The following MAGI2 variants were observed in gnomAD, a reference collection of about 807,000 sequenced individuals.
MAGI2 encodes membrane associated guanylate kinase, WW and PDZ domain containing 2, also known as membrane-associated guanylate kinase, WW and PDZ domain-containing protein 2.
A neutral mutation model predicts 133.3 loss-of-function variants in MAGI2; 35 were observed. The observed-to-expected ratio is 0.26, with a 90% confidence interval of 0.20 to 0.35. MAGI2 has a LOEUF of 0.35. MAGI2 is among the 10% of genes least tolerant of loss of function. The probability of loss-of-function intolerance (pLI) is 1.00; values close to 1 mark genes in which losing one functional copy is unlikely to be tolerated. For missense variants in MAGI2, 1,636 were observed against 1,863.4 expected, an observed-to-expected ratio of 0.88 and a Z score of 2.25; for synonymous variants, 729 against 710.6, an observed-to-expected ratio of 1.03 and a Z score of -0.41.
chr7:79,176,887 T>C (rs528675009), intron 1 of MAGI2: 2 of 149,836 alleles, frequency 1.3e-5, no homozygotes, highest in Non-Finnish European at 3.0e-5. Flanking sequence ...ATAGTTGATC[T>C]GATCCATGTG....
intron 1 of MAGI2, among the ~76,000 whole-genome samples, chr7:79,020,041 A>T (rs1230953454): frequency 1.3e-5 from 2 of 152,232 alleles, no homozygotes; most frequent in African/African-American, 2.4e-5. Context: ...CTTCCTAAAG[A>T]CTTGTTGAAT....
At chr7:79,452,907 AC>A in intron 1 of MAGI2, 112 bp downstream of exon 1, 2 of 1,190,106 alleles carry the variant, frequency 1.7e-6, no homozygotes, top group Non-Finnish European at 2.3e-6. Context: ...TCTGGCCCCC[AC>A]CCCATCATCG....
At chr7:78,256,647 A>G (rs568851668) in intron 9 of MAGI2, 66 bp from the exon 10 acceptor site, 1 of 1,333,728 alleles carries the variant, frequency 7.5e-7, no homozygotes, top group South Asian at 1.3e-5. Context: ...GAGAAATGGA[A>G]TTATTTACGA....
intron 1 of MAGI2, among the ~76,000 whole-genome samples, chr7:79,442,351 T>C (rs188898726): frequency 7.2e-5 from 11 of 152,306 alleles, no homozygotes; most frequent in Non-Finnish European, 1.6e-4. Context: ...AATAGTTTAA[T>C]GTAACTGTTT....
At chr7:79,421,326 A>C in intron 1 of MAGI2, among the ~76,000 whole-genome samples, 1 of 151,910 alleles carries the variant, frequency 6.6e-6, no homozygotes, top group Non-Finnish European at 1.5e-5. Flanking sequence ...ATGAGCTTTT[A>C]GTGTTACTGC....
At chr7:78,780,026 C>G (rs1826272348) in intron 2 of MAGI2, among the ~76,000 whole-genome samples, 1 of 152,308 alleles carries the variant, frequency 6.6e-6, no homozygotes, top group African/African-American at 2.4e-5. Context: ...ATTAAGAAAT[C>G]AAACCCTTAA....
chr7:78,349,382 A>G (rs575634569), intron 7 of MAGI2, among the ~76,000 whole-genome samples: 89 of 152,296 alleles, frequency 5.8e-4, no homozygotes, highest in Admixed American at 6.5e-4. Context: ...TATCTGTTCT[A>G]TATCCGTTTT....
intron 20 of MAGI2, among the ~76,000 whole-genome samples, chr7:78,118,572 T>C (rs1820106603): frequency 6.6e-6 from 1 of 152,130 alleles, no homozygotes; most frequent in South Asian, 2.1e-4. Flanking sequence ...AAAGAAGATA[T>C]ACATATGGCA....
chr7:79,015,351 T>C lies in MAGI2; in HGVS notation c.302-8145A>G, dbSNP rs201444944. ...CAGGTCAGTCCTCTAATATTTTTTT[T>C]CAACCTGCTGACACTTAAAAACTCT... On this transcript the variant is annotated intron_variant, in intron 1 of 21. Coordinates refer to ENST00000354212, the MANE Select transcript of MAGI2 (RefSeq NM_012301.4). 1.2e-4 allele frequency among the ~76,000 whole-genome samples: 10 copies of C among 80,220 alleles called. No homozygotes were observed. In the South Asian group the frequency reaches 1.9e-3, roughly 15 times the overall value. The allele number at this position is 80,220 out of a possible 152,430, so 52.6% of individuals were successfully genotyped here.
chr7:78,853,611 C>A (rs1793368289), intron 2 of MAGI2, among the ~76,000 whole-genome samples: 1 of 151,978 alleles, frequency 6.6e-6, no homozygotes, highest in Non-Finnish European at 1.5e-5. Context: ...CTGCCTCGAC[C>A]TCCCAAAGTG....
intron 1 of MAGI2, among the ~76,000 whole-genome samples, chr7:79,367,064 T>C (rs1842745830): frequency 6.6e-6 from 1 of 152,154 alleles, no homozygotes; most frequent in African/African-American, 2.4e-5. Flanking sequence ...AGGCTGAGGG[T>C]GAACCCTTGC....
At chr7:79,218,164 G>A (rs1321022899) in intron 1 of MAGI2, among the ~76,000 whole-genome samples, 1 of 151,910 alleles carries the variant, frequency 6.6e-6, no homozygotes, top group East Asian at 1.9e-4. Context: ...CTGTAAATAT[G>A]TACCTTGAGC....
chr7:78,180,432 G>A (rs930787558), intron 13 of MAGI2, among the ~76,000 whole-genome samples: 1 of 152,190 alleles, frequency 6.6e-6, no homozygotes, highest in African/African-American at 2.4e-5. Context: ...GGCACAAGAA[G>A]TTTGTCTTTT....
Position 78,739,724 on chromosome 7 carries a change from T to A in MAGI2, c.419-112485A>T, listed in dbSNP as rs563300310. On this transcript the variant is annotated intron_variant, in intron 2 of 21. Coordinates refer to ENST00000354212, the MANE Select transcript of MAGI2 (RefSeq NM_012301.4). ...TCGTGAAAGCAATTTCTTAGTTCTC[T>A]ACGTAGGCGCACACCTCCTCGGCAA... Among the ~76,000 whole-genome samples, 5 of 152,324 alleles carry A rather than the reference T, an allele frequency of 3.3e-5. No homozygotes were observed. In the East Asian group the frequency reaches 9.6e-4, roughly 29 times the overall value.
At chr7:78,434,000 G>A (rs1032945309) in intron 6 of MAGI2, among the ~76,000 whole-genome samples, 1 of 152,118 alleles carries the variant, frequency 6.6e-6, no homozygotes, top group South Asian at 2.1e-4. Flanking sequence ...CTATGCCATA[G>A]GAGGAAAATA....
At chr7:79,411,857 G>GA (rs1846165486) in intron 1 of MAGI2, 1 of 151,522 alleles carries the variant, frequency 6.6e-6, no homozygotes, top group Non-Finnish European at 1.5e-5. Context: ...GACATGAAAG[G>GA]AAAAATTGAA....
intron 2 of MAGI2, among the ~76,000 whole-genome samples, chr7:78,856,027 T>C (rs538467359): frequency 1.6e-4 from 25 of 152,368 alleles, no homozygotes; most frequent in South Asian, 4.1e-4. Flanking sequence ...TTTTCATGTG[T>C]CTGTTGGCTG....
rs1790633294 is a variant in MAGI2 at position 78,343,819 on chromosome 7, A to G, written c.1367T>C (p.Ile456Thr). 6.2e-7 allele frequency: 1 copy of G among 1,610,008 alleles called. No individual in the cohort carries two copies. The highest frequency in any genetic ancestry group is 8.5e-7 in the Non-Finnish European group (1 of 1,178,596). Residue 456 changes from isoleucine to threonine, a missense_variant, in exon 9 of 22, where the codon ATT (isoleucine) becomes ACT (threonine). Ile to Thr is a moderately conservative substitution (Grantham distance 89). Around this residue, in one of 5 missense-constraint regions of MAGI2, gnomAD observed 920 missense variants for 1,093.5 expected, o/e 0.84. Coordinates refer to ENST00000354212, the MANE Select transcript of MAGI2 (RefSeq NM_012301.4). ...ATCCTGTGCTGCAGGCCCATCCGGAATCACACTTTTCACCTGCAGAAACTC... is the reference window on the plus strand; with the variant it reads ...ATCCTGTGCTGCAGGCCCATCCGGAGTCACACTTTTCACCTGCAGAAACTC... ...PDEFLQVKSVIPDGPAAQDGK... is the reference protein window; with the variant it reads ...PDEFLQVKSVTPDGPAAQDGK...
At chr7:78,359,040 G>T (rs1792488930) in intron 7 of MAGI2, 1 of 152,354 alleles carries the variant, frequency 6.6e-6, no homozygotes, top group Middle Eastern at 3.2e-3. Flanking sequence ...CTTAAGCTGG[G>T]GGCAAGGGAA....
Sources: gnomAD v4.1 joint callset for allele counts (sites outside exome capture counted in the v4.1 genomes callset) on GRCh38, gnomAD v4.1.1 for gene constraint, gnomAD v4.1.1 regional missense constraint, MANE v1.5 for transcripts, NCBI Gene and HGNC (gene_info 2026-07-23, HGNC 2026-07-21) for gene names.